DDC: variants seen among roughly 807,000 people sequenced by gnomAD.
The protein encoded by DDC is aromatic-L-amino-acid decarboxylase.
In DDC, 43 loss-of-function variants were observed where a neutral mutation model predicts 60.0. The observed-to-expected ratio is 0.72, with a 90% CI of 0.56 to 0.92. The LOEUF is 0.92. DDC is among the 40% of genes least tolerant of loss of function. The pLI is 0.00. For synonymous variants in DDC, 232 were observed against 234.6 expected (o/e 0.99, Z 0.10); for missense variants, 573 against 620.2 (o/e 0.92, Z 0.81).
At chr7:50,469,646 A>G (rs189692895) in intron 12 of DDC, among the ~76,000 whole-genome samples, 172 of 152,282 alleles carry the variant, frequency 1.1e-3, no homozygotes, top group Non-Finnish European at 2.2e-3. Context: ...TCAACAACCC[A>G]AACTACAGTC....
At chr7:50,461,088 A>G (rs115688965) in intron 14 of DDC, among the ~76,000 whole-genome samples, 1,643 of 152,142 alleles carry the variant, frequency 0.011, 31 homozygotes, top group African/African-American at 0.038. Flanking sequence ...AAAAAAATAA[A>G]GAATAAGAAT....
chr7:50,517,760 G>A (rs1419504851), intron 6 of DDC, among the ~76,000 whole-genome samples: 1 of 145,516 alleles, frequency 6.9e-6, no homozygotes, highest in East Asian at 2.1e-4. Context: ...ACACAAGTCA[G>A]TAGCTCTTCT....
At position 50,508,151 on chromosome 7, in the gene DDC, A is replaced by T. The variant is rs1409828189; in HGVS notation, c.715-4092T>A. 2.6e-5 allele frequency among the ~76,000 whole-genome samples: 4 copies of T among 152,222 alleles called. No homozygotes were observed. The East Asian group carries it at 7.7e-4, about 29-fold the overall frequency. ...GGTAAGGAGGAGGCCTGGGGGCTGC[A>T]AGGACAGTGTTCTAAGTGGCTTGTC... On this transcript the variant is annotated intron_variant, in intron 6 of 14. Transcript: ENST00000444124.
At chr7:50,459,337 C>A (rs1050160142) in intron 14 of DDC, among the ~76,000 whole-genome samples, 6 of 152,238 alleles carry the variant, frequency 3.9e-5, no homozygotes, top group Non-Finnish European at 7.3e-5. Context: ...CCTGCCTTGG[C>A]CTCCCAAAGT....
intron 1 of DDC, among the ~76,000 whole-genome samples, chr7:50,553,862 C>A (rs1162890950): frequency 6.6e-6 from 1 of 152,162 alleles, no homozygotes; most frequent in Non-Finnish European, 1.5e-5. Flanking sequence ...TGCTTCCAAG[C>A]AAGACCATAA....
At chr7:50,531,322 C>T (rs2044199735) in intron 4 of DDC, among the ~76,000 whole-genome samples, 1 of 152,120 alleles carries the variant, frequency 6.6e-6, no homozygotes, top group Admixed American at 6.5e-5. Context: ...CCTCCTGTCC[C>T]CCTATCTGCC....
chr7:50,564,212 T>C (rs753922107), intron 1 of DDC: 1 of 152,208 alleles, frequency 6.6e-6, no homozygotes, highest in Non-Finnish European at 1.5e-5. Flanking sequence ...GGTAGAGTTC[T>C]ATAGGGTCAT....
intron 2 of DDC, among the ~76,000 whole-genome samples, chr7:50,541,786 G>T (rs1361419929): frequency 6.6e-6 from 1 of 152,212 alleles, no homozygotes; most frequent in Non-Finnish European, 1.5e-5. Flanking sequence ...TCTGAGAAGA[G>T]ATGCAAACAT....
intron 4 of DDC, among the ~76,000 whole-genome samples, chr7:50,537,494 G>GT (rs756516831): frequency 9.9e-5 from 15 of 152,240 alleles, no homozygotes; most frequent in Non-Finnish European, 2.2e-4. Context: ...AATTAAATGA[G>GT]TTAATGCCTG....
intron 6 of DDC, among the ~76,000 whole-genome samples, chr7:50,521,379 T>C (rs1276008081): frequency 6.6e-6 from 1 of 152,140 alleles, no homozygotes; most frequent in East Asian, 1.9e-4. Flanking sequence ...TTTAAGGAAG[T>C]AAGGATTACT....
At chr7:50,476,460 C>T (rs1034855701) in intron 11 of DDC, among the ~76,000 whole-genome samples, 164 bp downstream of exon 11, 2 of 152,164 alleles carry the variant, frequency 1.3e-5, no homozygotes, top group Non-Finnish European at 2.9e-5. Flanking sequence ...CAGAGCTGCC[C>T]GCCACCTGGC....
Position 50,463,376 on chromosome 7 carries a change from A to AT in DDC, c.1297dup (p.Ile433AsnfsTer60), listed in dbSNP as rs760629324. 3.7e-6 allele frequency: 6 copies of AT among 1,614,036 alleles called. No individual in the cohort carries two copies. Among genetic ancestry groups the AT allele is most frequent in the East Asian group, 4.5e-5 (2 of 44,894 alleles). ...CCTGAGGTGACATGGAACCAAGTGGATTTTTTTGGCACTGTTTATTCTTTG... is the reference window on the plus strand; with the variant it reads ...CCTGAGGTGACATGGAACCAAGTGGATTTTTTTTGGCACTGTTTATTCTTTG... On this transcript the variant is annotated frameshift_variant, in exon 14 of 15. Coordinates refer to ENST00000444124, the MANE Select transcript of DDC (RefSeq NM_001082971.2). LOFTEE classifies it high-confidence loss of function.
At chr7:50,493,737 A>C (rs1249772424) in intron 9 of DDC, among the ~76,000 whole-genome samples, 1 of 152,194 alleles carries the variant, frequency 6.6e-6, no homozygotes, top group Non-Finnish European at 1.5e-5. Context: ...AAAATTATAT[A>C]GCAGAAGTTT....
chr7:50,479,672 C>A, intron 10 of DDC, 115 bp downstream of exon 10: 1 of 936,160 alleles, frequency 1.1e-6, no homozygotes, highest in South Asian at 1.3e-5. Flanking sequence ...CCCGTCTTCT[C>A]TGTGAAAGCC....
chr7:50,483,859 G>T (rs544315192), intron 9 of DDC, among the ~76,000 whole-genome samples: 4 of 150,820 alleles, frequency 2.7e-5, no homozygotes, highest in Admixed American at 6.6e-5. Context: ...AGCCAAGATC[G>T]CGCTACTGCA....
Position 50,467,279 on chromosome 7 carries a change from G to C in DDC, c.1177C>G (p.Arg393Gly). The C allele has an allele frequency of 1.9e-6, 3 of 1,614,178 alleles. No homozygotes were observed. The highest frequency in any genetic ancestry group is 2.5e-6 in the Non-Finnish European group (3 of 1,179,996). ...QLSHEFESLV[R>G]QDPRFEICVE... ...CAGATTTCAAAGCGGGGATCCTGGC[G>C]CACCAGTGACTCAAACTCATGGGAC... Residue 393 changes from arginine (R) to glycine (G), a missense_variant, in exon 13 of 15, where the codon CGC becomes GGC. Arg to Gly is a moderately radical substitution (Grantham distance 125). Coordinates refer to ENST00000444124, the MANE Select transcript of DDC (RefSeq NM_001082971.2).
chr7:50,504,057 C>A lies in DDC; in HGVS notation c.717G>T (p.Met239Ile), dbSNP rs11575377. Reference protein sequence around the residue: ...DKAAGLIPFFMVATLGTTTCC... With the variant: ...DKAAGLIPFFIVATLGTTTCC... The stretch of plus-strand genomic sequence containing the variant: ...ATGTTGTGGTCCCCAGGGTGGCAAC[C>A]ATCTAGAGGGTAAAAAGCAGACAGC... Residue 239 changes from methionine (M) to isoleucine (I), a missense_variant and splice_region_variant, in exon 7 of 15, where the codon ATG (methionine) becomes ATT (isoleucine). Coordinates refer to ENST00000444124, the MANE Select transcript of DDC (RefSeq NM_001082971.2). The A allele has an allele frequency of 1.8e-3, 2,828 of 1,612,548 alleles. 17 individuals carry two copies. Among genetic ancestry groups the A allele is most frequent in the Non-Finnish European group, 1.9e-3 (2,259 of 1,178,568 alleles).
chr7:50,502,677 T>C (rs2043288628), intron 7 of DDC, among the ~76,000 whole-genome samples: 1 of 152,194 alleles, frequency 6.6e-6, no homozygotes, highest in South Asian at 2.1e-4. Flanking sequence ...CGGTGGAGCA[T>C]AAACCCTGTG....
intron 2 of DDC, chr7:50,542,778 C>T (rs1266143234): frequency 6.6e-6 from 1 of 152,276 alleles, no homozygotes; most frequent in Non-Finnish European, 1.5e-5. Flanking sequence ...TTGCTCAAAG[C>T]ATAAATGCCA....
Sources: allele counts gnomAD v4.1 joint callset (sites outside exome capture counted in the v4.1 genomes callset), GRCh38; gene constraint gnomAD v4.1.1; transcripts MANE v1.5; gene names NCBI Gene and HGNC (gene_info 2026-07-23, HGNC 2026-07-21).